Variants in DNAH11 observed in about 807,000 individuals in gnomAD.
DNAH11 encodes axonemal beta dynein heavy chain 11.
A neutral mutation model predicts 526.0 loss-of-function variants in DNAH11; 442 were observed. The observed-to-expected ratio is 0.84, with a 90% CI of 0.78 to 0.91. The LOEUF (loss-of-function observed/expected upper bound fraction) is 0.91. Ranked by LOEUF, DNAH11 falls within the 40% of genes least tolerant of loss-of-function variation. The pLI is 0.00. For synonymous variants in DNAH11, 2,461 were observed against 1,935.9 expected, an observed-to-expected ratio of 1.27 and a Z score of -7.12; for missense variants, 6,989 against 5,448.7, an observed-to-expected ratio of 1.28 and a Z score of -8.90.
intron 74 of DNAH11, among the ~76,000 whole-genome samples, chr7:21,875,824 T>C (rs17361723): frequency 0.18 from 27,904 of 151,480 alleles, 2,901 homozygotes; most frequent in Non-Finnish European, 0.24. Context: ...CTTTTATTAA[T>C]TGAAGGTTAC....
chr7:21,868,060 C>T (rs1783352339), intron 72 of DNAH11, 53 bp downstream of exon 72: 1 of 1,349,306 alleles, frequency 7.4e-7, no homozygotes, highest in South Asian at 1.9e-5. Flanking sequence ...CTCCCTTTCA[C>T]CCCCACCCCT....
At chr7:21,700,465 C>A (rs1157979583) in intron 36 of DNAH11, among the ~76,000 whole-genome samples, 1 of 152,162 alleles carries the variant, frequency 6.6e-6, no homozygotes, top group South Asian at 2.1e-4. Flanking sequence ...AGCAGAGGCA[C>A]CAAGTCCTCT....
Position 21,619,273 on chromosome 7 carries a change from G to C in DNAH11, c.4377+51G>C. 4.4e-6 allele frequency: 7 copies of C among 1,579,410 alleles called. No homozygotes were observed. The South Asian group carries it at 8.2e-5, about 18-fold the overall frequency. On this transcript the variant is annotated intron_variant, in intron 24 of 81. Coordinates refer to ENST00000409508, the MANE Select transcript of DNAH11 (RefSeq NM_001277115.2). ...TCTACTTGGCTAATTTTGGGTATTT[G>C]CATAGAAGCCAACTTAGAGAAAAGT...
At chr7:21,732,776 A>G (rs534510524) in intron 45 of DNAH11, among the ~76,000 whole-genome samples, 1 of 152,370 alleles carries the variant, frequency 6.6e-6, no homozygotes, top group African/African-American at 2.4e-5. Flanking sequence ...TAAGACAGCC[A>G]TCCCTTTGGT....
At chr7:21,812,834 T>A (rs1032687809) in intron 63 of DNAH11, among the ~76,000 whole-genome samples, 1 of 152,088 alleles carries the variant, frequency 6.6e-6, no homozygotes. Flanking sequence ...CTGAATCACT[T>A]GGGGGAAGGG....
intron 55 of DNAH11, among the ~76,000 whole-genome samples, chr7:21,773,086 A>G (rs1307202282): frequency 6.9e-6 from 1 of 144,156 alleles, no homozygotes; most frequent in Admixed American, 6.8e-5. Flanking sequence ...AATCATTAAA[A>G]TGAGGGAGAT....
At chr7:21,894,109 G>A (rs552673782) in intron 77 of DNAH11, among the ~76,000 whole-genome samples, 80 of 152,224 alleles carry the variant, frequency 5.3e-4, no homozygotes, top group East Asian at 3.9e-4. Flanking sequence ...GGCTGGTCTC[G>A]AACTCCTGAC....
intron 1 of DNAH11, 85 bp downstream of exon 1, chr7:21,543,681 C>T (rs1323298028): frequency 7.7e-6 from 11 of 1,432,708 alleles, no homozygotes; most frequent in South Asian, 2.6e-5. Context: ...TGGATTCCCG[C>T]GGGGCGCTCA....
intron 28 of DNAH11, among the ~76,000 whole-genome samples, chr7:21,640,550 T>C (rs184491463): frequency 3.3e-5 from 5 of 150,050 alleles, no homozygotes; most frequent in South Asian, 2.1e-4. Flanking sequence ...TGAACACTTA[T>C]GTGACTGGTT....
chr7:21,657,320 G>A (rs1256758334), intron 29 of DNAH11, among the ~76,000 whole-genome samples: 1 of 152,146 alleles, frequency 6.6e-6, no homozygotes. Context: ...TCTTCGAGGA[G>A]CTCTTAGGCC....
intron 57 of DNAH11, among the ~76,000 whole-genome samples, chr7:21,783,741 C>T (rs989024628): frequency 6.6e-6 from 1 of 151,934 alleles, no homozygotes. Flanking sequence ...GCAGCACCCT[C>T]TGTGTCTTGG....
chr7:21,645,199 C>T (rs760406429), intron 28 of DNAH11, among the ~76,000 whole-genome samples: 9 of 152,190 alleles, frequency 5.9e-5, no homozygotes, highest in Non-Finnish European at 1.3e-4. Flanking sequence ...TCTGTGGAAT[C>T]TGAAATTGTT....
intron 65 of DNAH11, among the ~76,000 whole-genome samples, chr7:21,819,836 A>T (rs751322407): frequency 6.6e-5 from 10 of 152,218 alleles, no homozygotes; most frequent in African/African-American, 9.6e-5. Context: ...ATCACAAAAT[A>T]TCAGGCCAGA....
chr7:21,827,485 T>C (rs1790354936), intron 65 of DNAH11, among the ~76,000 whole-genome samples: 1 of 151,700 alleles, frequency 6.6e-6, no homozygotes, highest in Non-Finnish European at 1.5e-5. Context: ...TACTGCAATA[T>C]GTATTTCCGG....
At chr7:21,785,809 T>C (rs1214621384) in intron 58 of DNAH11, among the ~76,000 whole-genome samples, 1 of 152,216 alleles carries the variant, frequency 6.6e-6, no homozygotes, top group Non-Finnish European at 1.5e-5. Flanking sequence ...TTTGTAATCA[T>C]ATACCAAATA....
At chr7:21,632,987 G>A (rs112125220) in intron 25 of DNAH11, among the ~76,000 whole-genome samples, 9 of 152,304 alleles carry the variant, frequency 5.9e-5, no homozygotes, top group African/African-American at 2.2e-4. Flanking sequence ...GGCTGGGGAG[G>A]CCTCACAATC....
chr7:21,649,802 A>G (rs1412090917), intron 28 of DNAH11, among the ~76,000 whole-genome samples: 1 of 151,856 alleles, frequency 6.6e-6, no homozygotes, highest in Non-Finnish European at 1.5e-5. Flanking sequence ...AGTAGCTGGG[A>G]TTATAGGTGT....
intron 29 of DNAH11, among the ~76,000 whole-genome samples, chr7:21,656,601 G>A (rs1782024457): frequency 6.6e-6 from 1 of 152,160 alleles, no homozygotes; most frequent in Non-Finnish European, 1.5e-5. Flanking sequence ...CGTTTCTGGT[G>A]TGTTCAGATG....
At chr7:21,864,923 A>T (rs1253313547) in intron 70 of DNAH11, among the ~76,000 whole-genome samples, 1 of 152,258 alleles carries the variant, frequency 6.6e-6, no homozygotes, top group Non-Finnish European at 1.5e-5. Flanking sequence ...GATAAAAGCC[A>T]AGTGATACAA....
Sources: gnomAD v4.1 joint callset for allele counts (sites outside exome capture counted in the v4.1 genomes callset) on GRCh38, gnomAD v4.1.1 for gene constraint, MANE v1.5 for transcripts, NCBI Gene and HGNC (gene_info 2026-07-23, HGNC 2026-07-21) for gene names.